CCSER2: variants seen among roughly 807,000 people sequenced by gnomAD.
CCSER2 encodes serine-rich coiled-coil domain-containing protein 2.
Under a neutral mutation model 92.3 loss-of-function variants are expected in CCSER2, and 46 were observed. The ratio of observed to expected loss-of-function variants is 0.50; its 90% confidence interval spans 0.39 to 0.64. The LOEUF is 0.64. Among genes scored for constraint, CCSER2 ranks in the 30% least tolerant of loss-of-function variants. The pLI is 0.00. For missense variants in CCSER2, 1,244 were observed against 1,238.9 expected, an observed-to-expected ratio of 1.00 and a Z score of -0.06; for synonymous variants, 433 against 431.4, an observed-to-expected ratio of 1.00 and a Z score of -0.04.
chr10:84,333,105 A>G (rs1843666869), intron 1 of CCSER2, among the ~76,000 whole-genome samples: 1 of 152,210 alleles, frequency 6.6e-6, no homozygotes, highest in Admixed American at 6.5e-5. Flanking sequence ...GGTAAGTTTT[A>G]GTTAAACTAA....
In CCSER2 at chr10:84,371,944, G is replaced by A. The variant is rs773252798; in HGVS notation, c.892G>A (p.Gly298Arg). 9 of 1,613,638 alleles carry A rather than the reference G, an allele frequency of 5.6e-6. No individual in the cohort carries two copies. The highest frequency in any genetic ancestry group is 7.6e-6 in the Non-Finnish European group (9 of 1,179,832). Residue 298 changes from glycine (G) to arginine (R), a missense_variant, in exon 2 of 10, where the codon GGA becomes AGA. Transcript: ENST00000372088. ...ATTTAATAGGCCTTATGCTGCTGGT[G>A]GAAAGAAGTTGGCTTTACCAAATGG... ...YGFNRPYAAG[G>R]KKLALPNGPG...
At chr10:84,508,105 T>C (rs938339813) in intron 9 of CCSER2, among the ~76,000 whole-genome samples, 1 of 152,242 alleles carries the variant, frequency 6.6e-6, no homozygotes, top group Non-Finnish European at 1.5e-5. Flanking sequence ...TTTAAGAAAT[T>C]ATCTGATGGT....
chr10:84,442,211 C>G (rs1844613180), intron 6 of CCSER2, among the ~76,000 whole-genome samples: 1 of 151,900 alleles, frequency 6.6e-6, no homozygotes, highest in East Asian at 1.9e-4. Context: ...GTTGAGATCT[C>G]TTTGGCTTCT....
intron 4 of CCSER2, among the ~76,000 whole-genome samples, chr10:84,423,514 A>G (rs1288590770): frequency 6.6e-6 from 1 of 152,202 alleles, no homozygotes; most frequent in Non-Finnish European, 1.5e-5. Context: ...ATTGCTCACA[A>G]TATTTAACCC....
At chr10:84,354,924 A>G (rs1845079118) in intron 1 of CCSER2, among the ~76,000 whole-genome samples, 1 of 151,532 alleles carries the variant, frequency 6.6e-6, no homozygotes, top group Non-Finnish European at 1.5e-5. Context: ...CTTTCCTCTT[A>G]TCTCCCACAT....
chr10:84,410,930 T>C (rs1842618906), intron 3 of CCSER2, among the ~76,000 whole-genome samples: 1 of 152,232 alleles, frequency 6.6e-6, no homozygotes. Context: ...CATCTTGAGT[T>C]AATTTTTATG....
intron 5 of CCSER2, among the ~76,000 whole-genome samples, chr10:84,432,402 C>G (rs538453444): frequency 6.6e-6 from 1 of 152,310 alleles, no homozygotes; most frequent in Non-Finnish European, 1.5e-5. Flanking sequence ...GCCCTTGCTC[C>G]TCTTTCCCTC....
intron 1 of CCSER2, among the ~76,000 whole-genome samples, chr10:84,352,275 G>A (rs549114211): frequency 6.6e-5 from 10 of 151,928 alleles, no homozygotes; most frequent in African/African-American, 2.4e-4. Flanking sequence ...CTGCACTCCA[G>A]CCTGGCGACA....
chr10:84,429,944 GT>G (rs913848943), intron 5 of CCSER2, among the ~76,000 whole-genome samples: 1 of 151,398 alleles, frequency 6.6e-6, no homozygotes, highest in African/African-American at 2.4e-5. Context: ...TTGTTGTTGT[GT>G]TTTTTTGTGG....
chr10:84,479,048 G>A (rs1240152733), intron 9 of CCSER2, among the ~76,000 whole-genome samples: 1 of 152,074 alleles, frequency 6.6e-6, no homozygotes, highest in Non-Finnish European at 1.5e-5. Flanking sequence ...AAGAAGACTG[G>A]TGATTCCATT....
chr10:84,473,717 ATTCTT>A (rs1243441630), intron 8 of CCSER2, among the ~76,000 whole-genome samples: 2 of 152,168 alleles, frequency 1.3e-5, no homozygotes, highest in African/African-American at 4.8e-5. Context: ...TAACATCTCT[ATTCTT>A]AATATAGGAA....
chr10:84,440,453 C>T (rs1243202538), intron 6 of CCSER2, among the ~76,000 whole-genome samples: 4 of 152,124 alleles, frequency 2.6e-5, no homozygotes, highest in Middle Eastern at 3.4e-3. Flanking sequence ...CAATGTGATA[C>T]GTATATATAG....
At chr10:84,499,274 T>C (rs1030608087) in intron 9 of CCSER2, among the ~76,000 whole-genome samples, 4 of 152,120 alleles carry the variant, frequency 2.6e-5, no homozygotes, top group African/African-American at 9.7e-5. Flanking sequence ...TAACTGGTTT[T>C]ACAGGTGGCT....
chr10:84,471,649 T>C (rs1304351939), intron 8 of CCSER2, among the ~76,000 whole-genome samples: 4 of 152,066 alleles, frequency 2.6e-5, no homozygotes, highest in Non-Finnish European at 4.4e-5. Flanking sequence ...AATAAGGAGA[T>C]AAAGATTAAA....
At chr10:84,346,911 A>G (rs186807854) in intron 1 of CCSER2, among the ~76,000 whole-genome samples, 136 of 152,116 alleles carry the variant, frequency 8.9e-4, no homozygotes, top group Non-Finnish European at 1.6e-3. Flanking sequence ...TGGTTTTCCT[A>G]GGCAGAGGAC....
intron 3 of CCSER2, among the ~76,000 whole-genome samples, chr10:84,406,428 G>T (rs746110840): frequency 6.6e-6 from 1 of 152,144 alleles, no homozygotes; most frequent in Non-Finnish European, 1.5e-5. Context: ...ACTAATGATG[G>T]TGTCATTCAT....
At chr10:84,429,534 A>C (rs1008121751) in intron 5 of CCSER2, among the ~76,000 whole-genome samples, 1 of 151,936 alleles carries the variant, frequency 6.6e-6, no homozygotes, top group Non-Finnish European at 1.5e-5. Context: ...TTCAACTCCC[A>C]TGCTTTCTGA....
Position 84,390,912 on chromosome 10 carries a change from AGAG to A in CCSER2, c.1614+17102_1614+17104del, listed in dbSNP as rs1309241436. On this transcript the variant is annotated intron_variant, in intron 3 of 9. Transcript: ENST00000372088. ...CATGTATCTGGTTTTGCTGCCTAGAAGAGGAGGCTTGTACAGCACCTGTTACTC... is the reference window on the plus strand; with the variant it reads ...CATGTATCTGGTTTTGCTGCCTAGAAGAGGCTTGTACAGCACCTGTTACTC... The A allele has an allele frequency of 4.1e-6, 3 of 737,178 alleles. No individual in the cohort carries two copies. The East Asian group carries it at 7.5e-5, about 18-fold the overall frequency. 45.7% of individuals were successfully genotyped at this position (737,178 alleles called of 1,614,324 possible).
In CCSER2 at chr10:84,417,894, A is replaced by T. The variant is rs779240106; in HGVS notation, c.1705+33A>T. Reference sequence around the variant, plus strand: ...GAGACAATATTGAACCTTCAGAGGTATATACTTGAGCTACTCGACTGTAGC... The same window carrying T: ...GAGACAATATTGAACCTTCAGAGGTTTATACTTGAGCTACTCGACTGTAGC... On this transcript the variant is annotated intron_variant, in intron 4 of 9. Coordinates refer to ENST00000372088, the MANE Select transcript of CCSER2 (RefSeq NM_001284240.2). The T allele has an allele frequency of 3.6e-5, 39 of 1,088,082 alleles. 1 individual carries two copies. In the South Asian group the frequency reaches 4.8e-4, roughly 13 times the overall value. The allele number at this position is 1,088,082 out of a possible 1,614,324, so 67.4% of individuals were successfully genotyped here.
Sources: gnomAD v4.1 joint callset for allele counts (sites outside exome capture counted in the v4.1 genomes callset) on GRCh38, gnomAD v4.1.1 for gene constraint, MANE v1.5 for transcripts, NCBI Gene and HGNC (gene_info 2026-07-23, HGNC 2026-07-21) for gene names.